GRIP2: variants seen among roughly 807,000 people sequenced by gnomAD.
The protein encoded by GRIP2 is glutamate receptor-interacting protein 2.
GRIP2 carries 58 observed loss-of-function variants against 108.3 expected under a neutral mutation model. That is an observed-to-expected ratio of 0.54 (90% confidence interval 0.43 to 0.67). GRIP2 has a LOEUF of 0.67. GRIP2 is among the 30% of genes least tolerant of loss of function. GRIP2 has a pLI of 0.00. For missense variants in GRIP2, 1,278 were observed against 1,430.6 expected, an observed-to-expected ratio of 0.89 and a Z score of 1.72; for synonymous variants, 586 against 598.2, an observed-to-expected ratio of 0.98 and a Z score of 0.30.
chr3:14,526,871 A>G (rs1694569813), intron 1 of GRIP2, among the ~76,000 whole-genome samples: 1 of 152,250 alleles, frequency 6.6e-6, no homozygotes, highest in Admixed American at 6.5e-5. Context: ...CCAGGCCCAC[A>G]GCACCTGGGA....
At chr3:14,523,324 T>G in intron 5 of GRIP2, 1 of 573,318 alleles carries the variant, frequency 1.7e-6, no homozygotes, top group Non-Finnish European at 3.1e-6. Flanking sequence ...CCTCACCTTA[T>G]TTCCCCTTTT....
Position 14,511,176 on chromosome 3 carries a change from T to G in GRIP2, c.1922A>C (p.Glu641Ala). 6.2e-7 allele frequency: 1 copy of G among 1,613,934 alleles called. No homozygotes were observed. The highest frequency in any genetic ancestry group is 1.1e-5 in the South Asian group (1 of 91,064). Reference sequence around the variant, plus strand: ...CATGAGGGCCATACCAGAGTTGTCCTCGTCCTTCCGGATCTTCAGCTTCAC... The same window carrying G: ...CATGAGGGCCATACCAGAGTTGTCCGCGTCCTTCCGGATCTTCAGCTTCAC... ...DLVKLKIRKD[E>A]DNSDELETTG... is the part of the protein sequence containing the mutation. The change falls in exon 16 of 24, where the codon GAG becomes GCG. Residue 641 changes from glutamate (E) to alanine (A), a missense_variant. Physicochemically the swap from Glu to Ala is moderately radical, Grantham distance 107. Transcript: ENST00000621039. This position sits in a 1 kb window ranked among gnomAD's most constrained non-coding sequence, Gnocchi z 4.1.
the GRIP2 span, chr3:14,573,064 C>A: frequency 3.6e-6 from 5 of 1,391,296 alleles, no homozygotes; most frequent in East Asian, 1.1e-4. Flanking sequence ...CGCTAGAAGG[C>A]GAAGGAGAGA....
chr3:14,494,375 C>T (rs1311487198), intron 23 of GRIP2, among the ~76,000 whole-genome samples: 2 of 152,232 alleles, frequency 1.3e-5, no homozygotes, highest in Admixed American at 6.5e-5. Context: ...AGGGGCGGCA[C>T]GGAGTGCCCA....
At chr3:14,586,277 C>T in the GRIP2 span, among the ~76,000 whole-genome samples, 2 of 152,252 alleles carry the variant, frequency 1.3e-5, no homozygotes, top group African/African-American at 4.8e-5. Context: ...TGAACTCTTA[C>T]TTATTTGTCC....
At chr3:14,575,537 A>T in the GRIP2 span, among the ~76,000 whole-genome samples, 2 of 152,212 alleles carry the variant, frequency 1.3e-5, no homozygotes, top group Non-Finnish European at 2.9e-5. Flanking sequence ...CCCTCTGTTG[A>T]TGCCAGTCTT....
intron 21 of GRIP2, among the ~76,000 whole-genome samples, chr3:14,502,219 A>G (rs1404302504): frequency 6.6e-6 from 1 of 152,190 alleles, no homozygotes; most frequent in African/African-American, 2.4e-5. Context: ...TTGGCCAGGC[A>G]CAGTGGCTCA....
chr3:14,510,249 T>C (rs1694045751), intron 16 of GRIP2, among the ~76,000 whole-genome samples: 1 of 143,560 alleles, frequency 7.0e-6, no homozygotes, highest in Non-Finnish European at 1.5e-5. Context: ...GGAACCCCGA[T>C]CATCCGTTGT....
In GRIP2 at chr3:14,525,344, G is replaced by T. The variant is rs1694523971; in HGVS notation, c.257+93C>A. 5 of 1,480,828 alleles carry T rather than the reference G, an allele frequency of 3.4e-6. 1 individual carries two copies. In the Admixed American group the frequency reaches 5.5e-5, roughly 16 times the overall value. The allele number at this position is 1,480,828 out of a possible 1,614,324, so 91.7% of individuals were successfully genotyped here. On this transcript the variant is annotated intron_variant, in intron 3 of 23. Coordinates refer to ENST00000621039, the MANE Select transcript of GRIP2 (RefSeq NM_001080423.4). ...CTGGAAACAGCTGCCTGATTGCTTT[G>T]CCTAAGACCTTCAGTACATTTTCCA... is the stretch of plus-strand genomic sequence containing the variant.
chr3:14,533,824 T>G (rs1282297102), intron 1 of GRIP2, among the ~76,000 whole-genome samples: 2 of 152,200 alleles, frequency 1.3e-5, no homozygotes, highest in African/African-American at 4.8e-5. Context: ...CCCTTCCTGC[T>G]ACAATTTTTG....
At position 14,512,628 on chromosome 3, in the gene GRIP2, C is replaced by T. The variant is rs561764518; in HGVS notation, c.1720+149G>A. ...CGCTGAGAACACGCAGCTGGGTCCA[C>T]GGAAGCCAGCCTCCCCACACCCCCA... On this transcript the variant is annotated intron_variant, in intron 14 of 23. Coordinates refer to ENST00000621039, the MANE Select transcript of GRIP2 (RefSeq NM_001080423.4). This position sits in a 1 kb window ranked among gnomAD's most constrained non-coding sequence, Gnocchi z 5.1. 17 of 686,844 alleles carry T rather than the reference C, an allele frequency of 2.5e-5. No homozygotes were observed. The highest frequency in any genetic ancestry group is 9.4e-5 in the South Asian group (5 of 53,192). 42.5% of individuals were successfully genotyped at this position (686,844 alleles called of 1,614,324 possible).
In GRIP2 at chr3:14,512,139, G is replaced by A. The variant is rs1694114400; in HGVS notation, c.1720+638C>T. 6.6e-6 allele frequency among the ~76,000 whole-genome samples: 1 copy of A among 152,146 alleles called. No homozygotes were observed. Among genetic ancestry groups the A allele is most frequent in the South Asian group, 2.1e-4 (1 of 4,826 alleles). On this transcript the variant is annotated intron_variant, in intron 14 of 23. Transcript: ENST00000621039. This position sits in a 1 kb window ranked among gnomAD's most constrained non-coding sequence, Gnocchi z 5.1. ...AGAGGCCAGAGGAACGGTCTCAGAT[G>A]CAAAGGCCCAGAGGCAGGAAGGGGC...
At chr3:14,529,333 A>G (rs1435807630) in intron 1 of GRIP2, among the ~76,000 whole-genome samples, 2 of 151,870 alleles carry the variant, frequency 1.3e-5, no homozygotes, top group East Asian at 1.9e-4. Flanking sequence ...AATTGGTATT[A>G]CCTCACAGGT....
At chr3:14,568,988 AGGGAAAATGCTG>A in the GRIP2 span, among the ~76,000 whole-genome samples, 8 of 152,218 alleles carry the variant, frequency 5.3e-5, no homozygotes, top group Admixed American at 1.3e-4. Flanking sequence ...GGGGTAATGC[AGGGAAAATGCTG>A]GGGAAAATGC....
Position 14,505,510 on chromosome 3 carries a change from C to T in GRIP2, c.2573+105G>A. 7.7e-7 allele frequency: 1 copy of T among 1,292,846 alleles called. No individual in the cohort carries two copies. Among genetic ancestry groups the T allele is most frequent in the Non-Finnish European group, 1.1e-6 (1 of 933,648 alleles). The allele number at this position is 1,292,846 out of a possible 1,614,324, so 80.1% of individuals were successfully genotyped here. A position where few individuals can be genotyped will look rare whatever the true frequency, so the allele number is the denominator to read the frequency against. ...CCAGGAGGCACCCCTCCTCAGGAGC[C>T]CGCCAAGACTCTCCATTCCCCCACC... On this transcript the variant is annotated intron_variant, in intron 20 of 23. Coordinates refer to ENST00000621039, the MANE Select transcript of GRIP2 (RefSeq NM_001080423.4). This position sits in a 1 kb window ranked among gnomAD's most constrained non-coding sequence, Gnocchi z 4.2.
the GRIP2 span, among the ~76,000 whole-genome samples, chr3:14,579,468 G>A: frequency 3.3e-5 from 5 of 152,164 alleles, no homozygotes; most frequent in Non-Finnish European, 5.9e-5. Context: ...TCTAGGGCTC[G>A]TGTGTGATCG....
At chr3:14,582,628 A>G in the GRIP2 span, among the ~76,000 whole-genome samples, 1 of 152,196 alleles carries the variant, frequency 6.6e-6, no homozygotes, top group Non-Finnish European at 1.5e-5. Flanking sequence ...TCTTCCCTGA[A>G]CATGCCAAGC....
chr3:14,576,297 G>A, the GRIP2 span, among the ~76,000 whole-genome samples: 1 of 152,242 alleles, frequency 6.6e-6, no homozygotes, highest in African/African-American at 2.4e-5. Context: ...TCCTCAGGAC[G>A]GCACTGAGAT....
At chr3:14,597,564 T>A in the GRIP2 span, among the ~76,000 whole-genome samples, 3 of 152,140 alleles carry the variant, frequency 2.0e-5, no homozygotes, top group African/African-American at 2.4e-5. Flanking sequence ...TTTGGTTTTT[T>A]TAAAAAAAAA....
Sources: allele counts gnomAD v4.1 joint callset (sites outside exome capture counted in the v4.1 genomes callset), GRCh38; gene constraint gnomAD v4.1.1; non-coding constraint Gnocchi (gnomAD v3.1); transcripts MANE v1.5; gene names NCBI Gene and HGNC (gene_info 2026-07-23, HGNC 2026-07-21).